Variants in KAT5 observed in about 807,000 individuals in gnomAD.
KAT5 encodes lysine acetyltransferase 5.
Under a neutral mutation model 68.1 loss-of-function variants are expected in KAT5, and 31 were observed. The ratio of observed to expected loss-of-function variants is 0.46; its 90% CI spans 0.34 to 0.61. The LOEUF is 0.61. Among genes scored for constraint, KAT5 ranks in the 20% least tolerant of loss-of-function variants. The pLI, the probability that KAT5 is intolerant of heterozygous loss-of-function variation, is 0.01. For missense variants in KAT5, 451 were observed against 725.5 expected, an observed-to-expected ratio of 0.62 and a Z score of 4.35; for synonymous variants, 365 against 292.6, an observed-to-expected ratio of 1.25 and a Z score of -2.52.
intron 4 of KAT5, 34 bp from the exon 5 acceptor site, chr11:65,713,559 C>T (rs1170226465): frequency 3.1e-6 from 5 of 1,614,042 alleles, no homozygotes; most frequent in Middle Eastern, 1.6e-4. Flanking sequence ...CCTTCTCTAC[C>T]TTCTGACCCA....
chr11:65,718,989 A>T, intron 12 of KAT5, 35 bp downstream of exon 12: 1 of 1,614,046 alleles, frequency 6.2e-7, no homozygotes, highest in East Asian at 2.2e-5. Context: ...GGTGTGTGGG[A>T]TGCAGAGTGC....
At chr11:65,717,497 C>T (rs781108371) in intron 10 of KAT5, 6 of 171,454 alleles carry the variant, frequency 3.5e-5, no homozygotes, top group Non-Finnish European at 7.7e-5. Flanking sequence ...CACACATGGG[C>T]TCTTCAGTGC....
At chr11:65,717,165 TG>T (rs1857225518) in intron 10 of KAT5, 183 bp downstream of exon 10, 2 of 611,320 alleles carry the variant, frequency 3.3e-6, no homozygotes, top group Non-Finnish European at 5.8e-6. Context: ...CCTGCTTATC[TG>T]GGGTAGGTTC....
intron 6 of KAT5, 37 bp from the exon 7 acceptor site, chr11:65,714,456 GTC>G: frequency 1.9e-6 from 3 of 1,603,402 alleles, no homozygotes; most frequent in Non-Finnish European, 2.6e-6. Flanking sequence ...CTGCTGAGCT[GTC>G]TCTTACAACC....
rs1434438382 is a variant in KAT5 at position 65,719,082 on chromosome 11, G to A, written c.1542G>A (p.Val514=). ...TCCTCACACTGTCAGAGGACATCGT[G>A]GATGGCCATGAGCGGGCCATGCTCA... ...QYILTLSEDI[V]DGHERAMLKR... The change falls in exon 13 of 13, where the codon GTG becomes GTA. Residue 514 remains valine (V), a synonymous_variant. Transcript: ENST00000341318. The A allele has an allele frequency of 6.2e-7, 1 of 1,614,170 alleles. No individual in the cohort carries two copies. The highest frequency in any genetic ancestry group is 2.2e-5 in the East Asian group (1 of 44,884).
Position 65,713,467 on chromosome 11 carries a change from C to T in KAT5, c.504C>T (p.Ser168=), listed in dbSNP as rs1486493190. The T allele has an allele frequency of 1.2e-6, 2 of 1,614,124 alleles. No homozygotes were observed. Among genetic ancestry groups the T allele is most frequent in the Non-Finnish European group, 1.7e-6 (2 of 1,180,052 alleles). The change falls in exon 4 of 13, where the codon TCC becomes TCT. Residue 168 remains serine (S), a synonymous_variant. Coordinates refer to ENST00000341318, the MANE Select transcript of KAT5 (RefSeq NM_182710.3). ...IPGGEPDQPL[S]SSSCLQPNHR... is the part of the protein sequence containing the mutation. ...GTGGCGAGCCTGACCAGCCGCTCTC[C>T]TCCAGCTCCTGCCTGCAGCCCAACC... is the stretch of plus-strand genomic sequence containing the variant.
In KAT5 at chr11:65,712,797, C is replaced by A; in HGVS notation, c.210C>A (p.Ile70=). ...CCGAGATCCTGAGCGTGAAGGACATCAGTGGCCGGAAGCTTTTCTACGTCC... is the reference window on the plus strand; with the variant it reads ...CCGAGATCCTGAGCGTGAAGGACATAAGTGGCCGGAAGCTTTTCTACGTCC... ...PLAEILSVKD[I]SGRKLFYVHY... The change falls in exon 2 of 13, where the codon ATC becomes ATA. Residue 70 remains isoleucine, a synonymous_variant. Transcript: ENST00000341318. 1.9e-6 allele frequency: 3 copies of A among 1,614,052 alleles called. No homozygotes were observed. The highest frequency in any genetic ancestry group is 2.2e-5 in the East Asian group (1 of 44,868).
chr11:65,716,861 C>G (rs56757675), intron 9 of KAT5, 28 bp from the exon 10 acceptor site: 1 of 1,613,682 alleles, frequency 6.2e-7, no homozygotes, highest in South Asian at 1.1e-5. Context: ...GATCCCTTCC[C>G]TGACACTCAC....
upstream of KAT5, chr11:65,712,139 C>T (rs1293445526): frequency 2.2e-6 from 2 of 912,338 alleles, no homozygotes; most frequent in Non-Finnish European, 3.1e-6. Flanking sequence ...TTGCCCCTCG[C>T]AGCTGGGTCG....
At chr11:65,716,112 G>C (rs932465886) in intron 8 of KAT5, 6 of 152,698 alleles carry the variant, frequency 3.9e-5, no homozygotes, top group African/African-American at 1.4e-4. Context: ...ATTTTGCTGG[G>C]GTAAACCCTA....
In KAT5 at chr11:65,713,784, C is replaced by T; in HGVS notation, c.626C>T (p.Ala209Val). The change falls in exon 6 of 13, where the codon GCC becomes GTC. Residue 209 changes from alanine (A) to valine (V), a missense_variant. By Grantham distance (64) the Ala-to-Val change is moderately conservative (BLOSUM62 0). This residue lies in a region of KAT5 where 135 missense variants were observed against 173.4 expected (regional missense o/e 0.78). Transcript: ENST00000341318. ...PASVFPQNGA[A>V]RRAVAAQPGR... is the part of the protein sequence containing the mutation. ...CTACTATCTCGGCAGAATGGAGCCGCCCGTAGGGCAGTGGCAGCCCAGCCA... is the reference window on the plus strand; with the variant it reads ...CTACTATCTCGGCAGAATGGAGCCGTCCGTAGGGCAGTGGCAGCCCAGCCA... The T allele has an allele frequency of 1.2e-6, 2 of 1,611,402 alleles. No homozygotes were observed. Among genetic ancestry groups the T allele is most frequent in the Non-Finnish European group, 1.7e-6 (2 of 1,178,766 alleles).
At position 65,712,331 on chromosome 11, in the gene KAT5, G is replaced by A. The variant is rs1857046129; in HGVS notation, c.64G>A (p.Ala22Thr). ...GAGGGAGCCAGGGGAGGTGGGTAGA[G>A]CCCGAGGCCCCCCAGTAGCCGACCC... ...GRREPGEVGR[A>T]RGPPVADPGV... Residue 22 changes from alanine (A) to threonine (T), a missense_variant, in exon 1 of 13, where the codon GCC becomes ACC. By Grantham distance (58) the Ala-to-Thr change is moderately conservative. Transcript: ENST00000341318. 6.6e-7 allele frequency: 1 copy of A among 1,512,664 alleles called. No individual in the cohort carries two copies. The highest frequency in any genetic ancestry group is 8.8e-7 in the Non-Finnish European group (1 of 1,139,472). The allele number at this position is 1,512,664 out of a possible 1,614,324, so 93.7% of individuals were successfully genotyped here.
chr11:65,713,912 G>A (rs1857112662), intron 6 of KAT5, 64 bp downstream of exon 6: 5 of 1,393,600 alleles, frequency 3.6e-6, no homozygotes, highest in Admixed American at 4.0e-5. Context: ...AGGGTGGAGA[G>A]TTATTTAGTG....
In KAT5 at chr11:65,712,711, G is replaced by T. The variant is rs376679947; in HGVS notation, c.179-55G>T. ...GGGGGTGGAGTTCAGGTCGTGGAAG[G>T]GTGGAGTCTCATAGCCTGGCCTGTC... On this transcript the variant is annotated intron_variant, in intron 1 of 12. Transcript: ENST00000341318. 2.5e-6 allele frequency: 4 copies of T among 1,588,682 alleles called. No homozygotes were observed. The African/African-American group carries it at 5.4e-5, about 21-fold the overall frequency.
chr11:65,713,134 A>C, intron 3 of KAT5, 76 bp downstream of exon 3: 5 of 1,566,000 alleles, frequency 3.2e-6, no homozygotes, highest in Non-Finnish European at 4.4e-6. Flanking sequence ...GAGCTCCTGG[A>C]TGGGCAGGAG....
intron 8 of KAT5, 44 bp from the exon 9 acceptor site, chr11:65,716,623 C>T (rs773891234): frequency 2.1e-5 from 33 of 1,597,686 alleles, no homozygotes; most frequent in Admixed American, 5.0e-5. Context: ...TGGCCAGGCT[C>T]AAGGCGGGAT....
upstream of KAT5, chr11:65,712,182 C>A (rs1040287278): frequency 1.5e-6 from 2 of 1,322,332 alleles, no homozygotes; most frequent in Non-Finnish European, 2.0e-6. Flanking sequence ...TCTACAGGGG[C>A]TTCGTGAGGC....
In KAT5 at chr11:65,719,037, C is replaced by T. The variant is rs1391704226; in HGVS notation, c.1507-10C>T. On this transcript the variant is annotated splice_polypyrimidine_tract_variant and intron_variant, in intron 12 of 12. Coordinates refer to ENST00000341318, the MANE Select transcript of KAT5 (RefSeq NM_182710.3). The stretch of plus-strand genomic sequence containing the variant: ...GCTGACCACCTGCTGAACCCATCTC[C>T]TCTGCCCAGGGCCAGTACATCCTCA... 6.2e-7 allele frequency: 1 copy of T among 1,614,114 alleles called. No homozygotes were observed. Among genetic ancestry groups the T allele is most frequent in the Non-Finnish European group, 8.5e-7 (1 of 1,179,984 alleles).
chr11:65,718,045 AG>A (rs1358264506), intron 10 of KAT5: 1 of 153,944 alleles, frequency 6.5e-6, no homozygotes, highest in Non-Finnish European at 1.4e-5. Flanking sequence ...CGTGGCTCCC[AG>A]GAATGGTCTC....
Sources: gnomAD v4.1 joint callset for allele counts on GRCh38, gnomAD v4.1.1 for gene constraint, gnomAD v4.1.1 regional missense constraint, MANE v1.5 for transcripts, NCBI Gene and HGNC (gene_info 2026-07-23, HGNC 2026-07-21) for gene names.